PROX1: variants seen among roughly 807,000 people sequenced by gnomAD.
PROX1 encodes prospero homeobox 1, also known as prospero homeobox protein 1.
PROX1 carries 7 observed loss-of-function variants against 58.8 expected under a neutral mutation model. The observed-to-expected ratio is 0.12, with a 90% CI of 0.07 to 0.22. The LOEUF is 0.22. PROX1 is among the 10% of genes least tolerant of loss of function. The pLI, the probability that PROX1 is intolerant of heterozygous loss-of-function variation, is 1.00. For missense variants in PROX1, 675 were observed against 927.8 expected (o/e 0.73, Z 3.54); for synonymous variants, 350 against 358.3 (o/e 0.98, Z 0.26).
At chr1:214,019,463 T>C (rs1664206067) in intron 4 of PROX1, among the ~76,000 whole-genome samples, 1 of 152,154 alleles carries the variant, frequency 6.6e-6, no homozygotes, top group African/African-American at 2.4e-5. Context: ...GGTTTTCAGA[T>C]TTCTGTTGCC....
intron 3 of PROX1, among the ~76,000 whole-genome samples, chr1:214,010,696 T>C (rs1663878288): frequency 6.6e-6 from 1 of 152,148 alleles, no homozygotes; most frequent in Non-Finnish European, 1.5e-5. Flanking sequence ...ATTTCAAAGG[T>C]CATCAGGAAA....
rs1243723212 is a variant in PROX1 at position 214,036,759 on chromosome 1, C to CTAT, written c.*927_*929dup. On this transcript the variant is annotated 3_prime_UTR_variant, in exon 5 of 5. Transcript: ENST00000366958. Reference sequence around the variant, plus strand: ...CTTAACAATTTTTTCCCCTAAAATACTATTTTCTGAATACTTCCTTCCAGT... The same window carrying CTAT: ...CTTAACAATTTTTTCCCCTAAAATACTATTATTTTCTGAATACTTCCTTCCAGT... 3 of 152,190 alleles carry CTAT rather than the reference C, an allele frequency of 2.0e-5. No homozygotes were observed. The highest frequency in any genetic ancestry group is 1.9e-4 in the East Asian group (1 of 5,194). The allele number at this position is 152,190 out of a possible 1,614,324, so 9.4% of individuals were successfully genotyped here.
At chr1:214,001,978 C>T (rs1000281627) in intron 2 of PROX1, among the ~76,000 whole-genome samples, 4 of 152,036 alleles carry the variant, frequency 2.6e-5, no homozygotes, top group African/African-American at 9.7e-5. Context: ...ATCTTTTCTC[C>T]CCATTTTAGT....
chr1:213,997,915 C>T lies in PROX1; in HGVS notation c.1380C>T (p.His460=), dbSNP rs756884385. The stretch of plus-strand genomic sequence containing the variant: ...CCTCCGGCCCTGCCGCTGGCGGCCA[C>T]CACCAGCCCCTGCACCAGTCGCCTC... The part of the protein sequence containing the change: ...QSASGPAAGG[H]HQPLHQSPLS... Residue 460 remains histidine (H), a synonymous_variant, in exon 2 of 5, where the codon CAC becomes CAT. Coordinates refer to ENST00000366958, the MANE Select transcript of PROX1 (RefSeq NM_001270616.2). The surrounding 1 kb of genome is among the most constrained non-coding windows in gnomAD (Gnocchi z 7.1). The T allele has an allele frequency of 6.2e-7, 1 of 1,613,236 alleles. No homozygotes were observed. The highest frequency in any genetic ancestry group is 1.3e-5 in the African/African-American group (1 of 75,068).
intron 1 of PROX1, chr1:213,989,854 GCAGA>G (rs529061383): frequency 2.0e-5 from 3 of 152,484 alleles, no homozygotes; most frequent in African/African-American, 7.2e-5. Context: ...AGCCCTCCAG[GCAGA>G]CAGAGAACAG....
At chr1:213,992,621 G>A (rs1338064865) in intron 1 of PROX1, among the ~76,000 whole-genome samples, 1 of 152,106 alleles carries the variant, frequency 6.6e-6, no homozygotes, top group African/African-American at 2.4e-5. Flanking sequence ...GTGTAGGCTT[G>A]CACAATTTCT....
intron 3 of PROX1, among the ~76,000 whole-genome samples, chr1:214,006,557 G>A (rs760472430): frequency 1.3e-5 from 2 of 152,298 alleles, no homozygotes; most frequent in Non-Finnish European, 2.9e-5. Context: ...GCACAAACAA[G>A]GCTGAGTGAC....
chr1:214,013,576 C>CG (rs34875275), intron 4 of PROX1, among the ~76,000 whole-genome samples: 150,110 of 152,192 alleles, frequency 0.99, 74,066 homozygotes, highest in Middle Eastern at 1. Context: ...CGAGGGTTTT[C>CG]GGGTTGCTTA....
chr1:214,032,395 CT>C (rs1242482866), intron 4 of PROX1, among the ~76,000 whole-genome samples: 2,795 of 144,910 alleles, frequency 0.019, 55 homozygotes, highest in African/African-American at 0.055. Flanking sequence ...TTTTAAACTT[CT>C]TTTTTTTTTT....
intron 4 of PROX1, among the ~76,000 whole-genome samples, chr1:214,024,103 G>T (rs965325879): frequency 6.6e-6 from 1 of 152,146 alleles, no homozygotes; most frequent in African/African-American, 2.4e-5. Context: ...ATCCTAGGTT[G>T]TCCCACCCTA....
chr1:213,985,533 C>A (rs893330829), upstream of PROX1: 1 of 152,236 alleles, frequency 6.6e-6, no homozygotes, highest in African/African-American at 2.4e-5. Context: ...GGCTGCGAAC[C>A]GCCGCGGCAG....
chr1:214,026,601 T>C (rs1338350595), intron 4 of PROX1, among the ~76,000 whole-genome samples: 1 of 152,250 alleles, frequency 6.6e-6, no homozygotes, highest in East Asian at 1.9e-4. Context: ...TTGTTGATAA[T>C]TATATAATAT....
chr1:214,016,452 C>T (rs975182745), intron 4 of PROX1, among the ~76,000 whole-genome samples: 3 of 152,196 alleles, frequency 2.0e-5, no homozygotes, highest in Admixed American at 2.0e-4. Context: ...AAAACTGGCA[C>T]ATGAGTGAGA....
At chr1:214,001,081 G>GA (rs1663494398) in intron 2 of PROX1, among the ~76,000 whole-genome samples, 1 of 151,976 alleles carries the variant, frequency 6.6e-6, no homozygotes, top group African/African-American at 2.4e-5. Flanking sequence ...AATTTTTCAG[G>GA]AAAAATTATC....
chr1:213,996,737 A>G lies in PROX1; in HGVS notation c.202A>G (p.Asn68Asp), dbSNP rs1663277924. 3 of 1,614,190 alleles carry G rather than the reference A, an allele frequency of 1.9e-6. No homozygotes were observed. Among genetic ancestry groups the G allele is most frequent in the East Asian group, 4.5e-5 (2 of 44,880 alleles). The part of the protein sequence containing the change: ...VVQHADGEKS[N>D]VLRKLLKRAN... ...GCAGCATGCAGATGGGGAAAAGTCA[A>G]ATGTACTCCGCAAGCTGCTGAAGAG... The change falls in exon 2 of 5, where the codon AAT (asparagine) becomes GAT (aspartate). Residue 68 changes from asparagine to aspartate, a missense_variant. By Grantham distance (23) the Asn-to-Asp change is conservative. Transcript: ENST00000366958.
chr1:213,992,198 A>T (rs112361793), intron 1 of PROX1, among the ~76,000 whole-genome samples: 1,780 of 152,212 alleles, frequency 0.012, 36 homozygotes, highest in African/African-American at 0.041. Flanking sequence ...TTTTGATGGG[A>T]TGGGAGAATC....
At chr1:214,006,095 C>T (rs1437009679) in intron 3 of PROX1, among the ~76,000 whole-genome samples, 1 of 152,094 alleles carries the variant, frequency 6.6e-6, no homozygotes, top group Non-Finnish European at 1.5e-5. Flanking sequence ...ATCATTATCC[C>T]AGGAACTTGA....
chr1:214,002,755 A>C (rs948834942), intron 2 of PROX1, among the ~76,000 whole-genome samples: 1 of 152,250 alleles, frequency 6.6e-6, no homozygotes, highest in Non-Finnish European at 1.5e-5. Context: ...TTCTTGGAAG[A>C]ACAGTTGCTT....
chr1:214,003,268 CGTT>C (rs796076156), intron 2 of PROX1, among the ~76,000 whole-genome samples: 1 of 152,294 alleles, frequency 6.6e-6, no homozygotes, highest in African/African-American at 2.4e-5. Flanking sequence ...AAATGCATGA[CGTT>C]GTCTTAATGT....
Sources: allele counts gnomAD v4.1 joint callset (sites outside exome capture counted in the v4.1 genomes callset), GRCh38; gene constraint gnomAD v4.1.1; non-coding constraint Gnocchi (gnomAD v3.1); transcripts MANE v1.5; gene names NCBI Gene and HGNC (gene_info 2026-07-23, HGNC 2026-07-21).